FBXO36: variants seen among roughly 807,000 people sequenced by gnomAD.
FBXO36 encodes the protein F-box protein 36, also known as F-box only protein 36.
A neutral mutation model predicts 17.0 loss-of-function variants in FBXO36; 18 were observed. The observed-to-expected ratio is 1.06, with a 90% CI of 0.73 to 1.57. The LOEUF (loss-of-function observed/expected upper bound fraction) is 1.57. FBXO36 is among the 40% of genes most tolerant of loss of function. The pLI is 0.00. For synonymous variants in FBXO36, 83 were observed against 85.3 expected, an observed-to-expected ratio of 0.97 and a Z score of 0.15; for missense variants, 229 against 221.9, an observed-to-expected ratio of 1.03 and a Z score of -0.20.
intron 3 of FBXO36, among the ~76,000 whole-genome samples, chr2:229,997,564 C>T (rs1255369416): frequency 6.9e-6 from 1 of 144,286 alleles, no homozygotes; most frequent in Non-Finnish European, 1.5e-5. Context: ...GGTGACAGAG[C>T]GAGACTCTGA....
chr2:229,991,386 G>A (rs897000848), intron 2 of FBXO36, among the ~76,000 whole-genome samples: 7 of 152,142 alleles, frequency 4.6e-5, no homozygotes, highest in Non-Finnish European at 8.8e-5. Flanking sequence ...AGGCCTCTAA[G>A]GAAGTAATTA....
chr2:229,971,769 G>A (rs1257085547), intron 1 of FBXO36, among the ~76,000 whole-genome samples: 1 of 151,760 alleles, frequency 6.6e-6, no homozygotes, highest in Admixed American at 6.6e-5. Flanking sequence ...GCTCACCACG[G>A]CCTCAACCTC....
chr2:229,929,953 AACT>A (rs1314536533), intron 1 of FBXO36, among the ~76,000 whole-genome samples: 13 of 152,224 alleles, frequency 8.5e-5, no homozygotes, highest in African/African-American at 2.2e-4. Flanking sequence ...ACACAGAAAG[AACT>A]ACTGCTGCTC....
intron 3 of FBXO36, among the ~76,000 whole-genome samples, chr2:230,008,444 C>T (rs997632240): frequency 6.6e-6 from 1 of 152,154 alleles, no homozygotes; most frequent in Non-Finnish European, 1.5e-5. Flanking sequence ...CTGGCAACTA[C>T]TAAGCAAAAG....
At chr2:229,999,092 G>A (rs894882115) in intron 3 of FBXO36, among the ~76,000 whole-genome samples, 3 of 147,452 alleles carry the variant, frequency 2.0e-5, no homozygotes, top group Admixed American at 6.8e-5. Flanking sequence ...GTGAGCCACC[G>A]CGCCTGGCCA....
In FBXO36 at chr2:229,925,657, G is replaced by A. The variant is rs532036300; in HGVS notation, c.96+3048G>A. On this transcript the variant is annotated intron_variant, in intron 1 of 3. Coordinates refer to ENST00000283946, the MANE Select transcript of FBXO36 (RefSeq NM_174899.5). ...GTCTCTTTTTCACTGCATCTTTTTC[G>A]TTGGCCTTAAATCCAAATAACTGCA... Among the ~76,000 whole-genome samples the A allele has an allele frequency of 1.2e-4, 18 of 151,484 alleles. No homozygotes were observed. The East Asian group carries it at 1.5e-3, about 13-fold the overall frequency.
intron 1 of FBXO36, among the ~76,000 whole-genome samples, chr2:229,951,242 T>A (rs918165935): frequency 4.6e-5 from 7 of 150,972 alleles, no homozygotes; most frequent in Non-Finnish European, 7.4e-5. Flanking sequence ...CCAGGCAACT[T>A]TTTTTTCTTC....
intron 1 of FBXO36, chr2:229,973,315 G>T (rs895503318): frequency 3.9e-5 from 6 of 152,124 alleles, no homozygotes; most frequent in African/African-American, 1.4e-4. Context: ...TCTTATTATT[G>T]TGTTCGCTTT....
chr2:229,930,933 G>T (rs1418803354), intron 1 of FBXO36, among the ~76,000 whole-genome samples: 1 of 152,082 alleles, frequency 6.6e-6, no homozygotes, highest in Non-Finnish European at 1.5e-5. Flanking sequence ...TGCCCTACAG[G>T]TTAGGCCAGG....
intron 1 of FBXO36, among the ~76,000 whole-genome samples, chr2:229,951,148 T>A (rs2077055493): frequency 6.6e-6 from 1 of 152,064 alleles, no homozygotes; most frequent in Admixed American, 6.6e-5. Flanking sequence ...TTAGCTAGGA[T>A]GGTCTCGATA....
At position 229,948,521 on chromosome 2, in the gene FBXO36, A is replaced by G. The variant is rs867845852; in HGVS notation, c.96+25912A>G. Among the ~76,000 whole-genome samples, 523 of 142,944 alleles carry G rather than the reference A, an allele frequency of 3.7e-3. 3 individuals carry two copies. The highest frequency in any genetic ancestry group is 0.013 in the African/African-American group (478 of 37,856). 93.8% of individuals were successfully genotyped at this position (142,944 alleles called of 152,430 possible). Reference sequence around the variant, plus strand: ...AGCCGAACACTTGGGCTTTAGAGAAAAAAAAAAAAAAAAAAAGACTTCATT... The same window carrying G: ...AGCCGAACACTTGGGCTTTAGAGAAGAAAAAAAAAAAAAAAAGACTTCATT... On this transcript the variant is annotated intron_variant, in intron 1 of 3. Coordinates refer to ENST00000283946, the MANE Select transcript of FBXO36 (RefSeq NM_174899.5).
At chr2:229,970,776 G>A (rs1280865396) in intron 1 of FBXO36, among the ~76,000 whole-genome samples, 1 of 151,876 alleles carries the variant, frequency 6.6e-6, no homozygotes, top group Non-Finnish European at 1.5e-5. Flanking sequence ...ATATATTCAC[G>A]GGTAACATAG....
chr2:229,967,326 G>A (rs898442326), intron 1 of FBXO36, among the ~76,000 whole-genome samples: 10 of 152,108 alleles, frequency 6.6e-5, no homozygotes, highest in Non-Finnish European at 1.2e-4. Flanking sequence ...TCTGCAAACA[G>A]GGACAATTTG....
chr2:229,978,529 G>A (rs958343573), intron 2 of FBXO36, among the ~76,000 whole-genome samples: 4 of 152,030 alleles, frequency 2.6e-5, no homozygotes, highest in Non-Finnish European at 5.9e-5. Context: ...GGAGGTTGCG[G>A]TGAGCCGAGA....
intron 1 of FBXO36, among the ~76,000 whole-genome samples, chr2:229,924,236 G>A (rs938288594): frequency 6.6e-6 from 1 of 152,116 alleles, no homozygotes; most frequent in Non-Finnish European, 1.5e-5. Context: ...GGGATTACAG[G>A]CGTGCGCCAC....
rs1303501738 is a variant in FBXO36 at position 230,010,860 on chromosome 2, A to G, written c.543A>G (p.Gly181=). 1.2e-6 allele frequency: 2 copies of G among 1,612,578 alleles called. No individual in the cohort carries two copies. Among genetic ancestry groups the G allele is most frequent in the Admixed American group, 3.3e-5 (2 of 59,832 alleles). Residue 181 remains glycine, a synonymous_variant, in exon 4 of 4, where the codon GGA becomes GGG. Transcript: ENST00000283946. ...RQLRKRKQKY[G]NLREKQP ...TCCGCAAGAGGAAACAAAAATATGG[A>G]AACCTGAGAGAAAAGCAACCTTAGG...
At chr2:229,996,600 C>T in intron 2 of FBXO36, 151 bp from the exon 3 acceptor site, 1 of 822,570 alleles carries the variant, frequency 1.2e-6, no homozygotes, top group Non-Finnish European at 1.9e-6. Context: ...TCAGTTAGTC[C>T]CAAAGGCAGC....
intron 1 of FBXO36, among the ~76,000 whole-genome samples, chr2:229,927,311 A>G (rs1238773475): frequency 6.6e-6 from 1 of 152,172 alleles, no homozygotes; most frequent in African/African-American, 2.4e-5. Flanking sequence ...TTTAACTCCA[A>G]AGGAAGTTCA....
chr2:229,950,752 C>CTTTT (rs71049605), intron 1 of FBXO36, among the ~76,000 whole-genome samples: 4 of 75,074 alleles, frequency 5.3e-5, no homozygotes, highest in African/African-American at 1.9e-4. Context: ...CTTCAGGCTA[C>CTTTT]TTTTTTTTTT....
Sources: gnomAD v4.1 joint callset for allele counts (sites outside exome capture counted in the v4.1 genomes callset) on GRCh38, gnomAD v4.1.1 for gene constraint, MANE v1.5 for transcripts, NCBI Gene and HGNC (gene_info 2026-07-23, HGNC 2026-07-21) for gene names.